IGFL2: variants seen among roughly 807,000 people sequenced by gnomAD.
The protein encoded by IGFL2 is IGF like family member 2, also known as insulin growth factor-like family member 2.
A neutral mutation model predicts 13.9 loss-of-function variants in IGFL2; 7 were observed. That is an observed-to-expected ratio of 0.51 (90% CI 0.29 to 0.95). The LOEUF (loss-of-function observed/expected upper bound fraction) is 0.95. Among genes scored for constraint, IGFL2 ranks in the 40% least tolerant of loss-of-function variants. The pLI, the probability that IGFL2 is intolerant of heterozygous loss-of-function variation, is 0.08. For missense variants in IGFL2, 138 were observed against 147.8 expected (o/e 0.93, Z 0.34); for synonymous variants, 55 against 55.8 (o/e 0.99, Z 0.07).
At chr19:46,176,133 G>A in the IGFL2 span, among the ~76,000 whole-genome samples, 2 of 147,186 alleles carry the variant, frequency 1.4e-5, no homozygotes, top group Non-Finnish European at 1.5e-5. Context: ...GATTACAGGC[G>A]TGAGCCACCG....
At chr19:46,132,132 T>TCA in the IGFL2 span, among the ~76,000 whole-genome samples, 7 of 152,074 alleles carry the variant, frequency 4.6e-5, no homozygotes, top group Non-Finnish European at 7.4e-5. Context: ...TAACCAGTTT[T>TCA]CACACACACA....
the IGFL2 span, among the ~76,000 whole-genome samples, chr19:46,135,923 CT>C: frequency 6.6e-6 from 1 of 152,208 alleles, no homozygotes; most frequent in Non-Finnish European, 1.5e-5. Context: ...GGCCCTCAGT[CT>C]TTTCTGGCTT....
the IGFL2 span, among the ~76,000 whole-genome samples, chr19:46,089,298 T>C: frequency 1.3e-5 from 2 of 152,234 alleles, no homozygotes; most frequent in African/African-American, 4.8e-5. Flanking sequence ...ATTTTGAATT[T>C]TGATGTAATC....
At chr19:46,147,226 A>G (rs1321564457), upstream of IGFL2, among the ~76,000 whole-genome samples, 7 of 152,164 alleles carry the variant, frequency 4.6e-5, no homozygotes, top group Non-Finnish European at 1.0e-4. Flanking sequence ...AGAATTATAG[A>G]CAGTGCTGTC....
chr19:46,200,383 A>G, the IGFL2 span, among the ~76,000 whole-genome samples: 89,292 of 150,968 alleles, frequency 0.59, 26,887 homozygotes, highest in Non-Finnish European at 0.67. Context: ...CATGTTACCC[A>G]GGCTGGTCTT....
intron 3 of IGFL2, 30 bp from the exon 4 acceptor site, chr19:46,161,040 C>T (rs748659069): frequency 3.7e-5 from 58 of 1,578,458 alleles, no homozygotes; most frequent in African/African-American, 2.2e-4. Context: ...GTCTGTTATT[C>T]GTAATTTCTT....
chr19:46,171,355 C>T, the IGFL2 span, among the ~76,000 whole-genome samples: 1 of 152,038 alleles, frequency 6.6e-6, no homozygotes, highest in African/African-American at 2.4e-5. Context: ...CTATTCAAGA[C>T]GAGATTATGG....
chr19:46,147,209 ACT>A (rs1225899751), upstream of IGFL2, among the ~76,000 whole-genome samples: 2 of 152,136 alleles, frequency 1.3e-5, no homozygotes, highest in East Asian at 1.9e-4. Context: ...CCCCTAAATG[ACT>A]CTGAAGAATT....
the IGFL2 span, chr19:46,137,056 A>G: frequency 1.9e-6 from 3 of 1,596,254 alleles, no homozygotes; most frequent in South Asian, 3.3e-5. Context: ...CTGATGGACG[A>G]GCCAAAACTG....
At chr19:46,121,841 T>G in the IGFL2 span, among the ~76,000 whole-genome samples, 1 of 151,056 alleles carries the variant, frequency 6.6e-6, no homozygotes, top group Non-Finnish European at 1.5e-5. Context: ...AGGTTGGTGC[T>G]TGTGCTGGAG....
chr19:46,135,040 T>C, the IGFL2 span, among the ~76,000 whole-genome samples: 1 of 152,220 alleles, frequency 6.6e-6, no homozygotes, highest in South Asian at 2.1e-4. Flanking sequence ...CTTGATAATA[T>C]CTGTAGGTAT....
chr19:46,103,999 G>T, the IGFL2 span, among the ~76,000 whole-genome samples: 18 of 152,274 alleles, frequency 1.2e-4, no homozygotes, highest in African/African-American at 4.3e-4. Flanking sequence ...GTAGGGTCCA[G>T]TCCATCGAGG....
chr19:46,119,473 A>G, the IGFL2 span, among the ~76,000 whole-genome samples: 1 of 151,786 alleles, frequency 6.6e-6, no homozygotes, highest in Non-Finnish European at 1.5e-5. Flanking sequence ...CCTAGAACCT[A>G]CTGACTGGAG....
the IGFL2 span, among the ~76,000 whole-genome samples, chr19:46,101,990 G>T: frequency 1.3e-5 from 2 of 152,252 alleles, no homozygotes; most frequent in Non-Finnish European, 2.9e-5. Context: ...GCAGTAACAG[G>T]CATAGCCTGG....
chr19:46,085,867 C>T, the IGFL2 span, among the ~76,000 whole-genome samples: 16,163 of 152,106 alleles, frequency 0.11, 1,221 homozygotes, highest in African/African-American at 0.2. Flanking sequence ...ATTTTCTTTT[C>T]TCCTTTGCAT....
chr19:46,182,211 A>G, the IGFL2 span, among the ~76,000 whole-genome samples: 10 of 152,120 alleles, frequency 6.6e-5, no homozygotes, highest in East Asian at 1.7e-3. Flanking sequence ...TACTAAAAAT[A>G]CAAAAATTAG....
chr19:46,170,036 G>A, the IGFL2 span, among the ~76,000 whole-genome samples: 2 of 152,084 alleles, frequency 1.3e-5, no homozygotes, highest in African/African-American at 4.8e-5. Flanking sequence ...GACTAGCTCA[G>A]TTTCTGAACA....
At chr19:46,158,307 C>G (rs1973934140) in intron 1 of IGFL2, among the ~76,000 whole-genome samples, 1 of 152,116 alleles carries the variant, frequency 6.6e-6, no homozygotes, top group South Asian at 2.1e-4. Flanking sequence ...CTCCCGGGTT[C>G]AAGTGATTCT....
chr19:46,147,898 A>G (rs1038196320), upstream of IGFL2: 3 of 201,634 alleles, frequency 1.5e-5, no homozygotes, highest in African/African-American at 2.3e-5. Flanking sequence ...TTTCATCACC[A>G]GCTGTGATGT....
Sources: allele counts gnomAD v4.1 joint callset (sites outside exome capture counted in the v4.1 genomes callset), GRCh38; gene constraint gnomAD v4.1.1; transcripts MANE v1.5; gene names NCBI Gene and HGNC (gene_info 2026-07-23, HGNC 2026-07-21).